Variants in DOK1 observed in about 807,000 individuals in gnomAD.
The protein encoded by DOK1 is Downstream of tyrosine kinase 1.
Under a neutral mutation model 24.0 loss-of-function variants are expected in DOK1, and 12 were observed. The observed-to-expected ratio is 0.50, with a 90% CI of 0.32 to 0.81. The LOEUF (loss-of-function observed/expected upper bound fraction) is 0.81. DOK1 is among the 30% of genes least tolerant of loss of function. The probability of loss-of-function intolerance (pLI) is 0.03; values close to 1 mark genes in which losing one functional copy is unlikely to be tolerated. For missense variants in DOK1, 591 were observed against 620.7 expected (o/e 0.95, Z 0.51); for synonymous variants, 250 against 260.9 (o/e 0.96, Z 0.40).
chr2:74,549,681 C>T lies in DOK1; in HGVS notation c.-358+509C>T. The T allele has an allele frequency of 6.8e-7, 1 of 1,463,884 alleles. No homozygotes were observed. The highest frequency in any genetic ancestry group is 9.1e-7 in the Non-Finnish European group (1 of 1,102,232). The allele number at this position is 1,463,884 out of a possible 1,614,324, so 90.7% of individuals were successfully genotyped here. A position where few individuals can be genotyped will look rare whatever the true frequency, so the allele number is the denominator to read the frequency against. ...CCTGCTTGGTGTGCCTGCTGTAAACCCAGTGGCGGGATGGGCCCGAGGCGG... is the reference window on the plus strand; with the variant it reads ...CCTGCTTGGTGTGCCTGCTGTAAACTCAGTGGCGGGATGGGCCCGAGGCGG... On this transcript the variant is annotated intron_variant, in intron 1 of 4. Transcript: ENST00000409429. This position sits in a 1 kb window ranked among gnomAD's most constrained non-coding sequence, Gnocchi z 5.3.
chr2:74,556,131 G>A lies in DOK1; in HGVS notation c.639+53G>A. On this transcript the variant is annotated intron_variant, in intron 4 of 4. Transcript: ENST00000233668. The surrounding 1 kb of genome is among the most constrained non-coding windows in gnomAD (Gnocchi z 4.1). ...TGGGTTGGGCAGCTGTGGGAGGGGT[G>A]GGGCAGGACAGAAAGTGGGAAGCTC... is the stretch of plus-strand genomic sequence containing the variant. The A allele has an allele frequency of 2.0e-6, 3 of 1,538,288 alleles. No individual in the cohort carries two copies. The highest frequency in any genetic ancestry group is 4.1e-5 in the Admixed American group (2 of 49,154).
upstream of DOK1, chr2:74,553,117 G>A (rs150434045): frequency 3.3e-3 from 513 of 157,012 alleles, 2 homozygotes; most frequent in African/African-American, 0.012. Flanking sequence ...GTGAGAAGGA[G>A]AGGGATTGAC....
chr2:74,553,637 TC>T (rs1373579180), upstream of DOK1, among the ~76,000 whole-genome samples: 1 of 152,116 alleles, frequency 6.6e-6, no homozygotes, highest in African/African-American at 2.4e-5. Context: ...GGGCAGCGCC[TC>T]CCGGAGGAGC....
upstream of DOK1, chr2:74,552,764 A>G: frequency 1.1e-6 from 1 of 886,638 alleles, no homozygotes. Flanking sequence ...AGAGACAGCG[A>G]GAGACAACAG....
chr2:74,550,291 C>T, upstream of DOK1: 1 of 1,614,184 alleles, frequency 6.2e-7, no homozygotes, highest in Non-Finnish European at 8.5e-7. Context: ...CCGGGAGGCA[C>T]ATTCAGTCAC....
rs1324870596 is a variant in DOK1, at chr2:74,555,518, ACCGACCCCCGCTCCCCG to A, written c.361-55_361-39del. On this transcript the variant is annotated intron_variant, in intron 2 of 4. Transcript: ENST00000233668. This position sits in a 1 kb window ranked among gnomAD's most constrained non-coding sequence, Gnocchi z 6.1. ...AGGCAGAGAAATGGGGCTGCCTCAG[ACCGACCCCCGCTCCCCG>A]CTGAGGAAATTACGGGTTTCTCGAT... The A allele has an allele frequency of 6.8e-6, 11 of 1,612,716 alleles. No homozygotes were observed. Among genetic ancestry groups the A allele is most frequent in the Non-Finnish European group, 9.3e-6 (11 of 1,179,648 alleles).
upstream of DOK1, chr2:74,554,020 C>G (rs1677204521): frequency 6.6e-6 from 1 of 152,324 alleles, no homozygotes; most frequent in African/African-American, 2.4e-5. The surrounding 1 kb of genome is among the most constrained non-coding windows in gnomAD (Gnocchi z 4.9). Context: ...CCTCCCACAT[C>G]CCCCTGAGCC....
chr2:74,555,369 C>T lies in DOK1; in HGVS notation c.276C>T (p.Asp92=). 2.5e-6 allele frequency: 4 copies of T among 1,613,584 alleles called. No individual in the cohort carries two copies. The highest frequency in any genetic ancestry group is 3.4e-6 in the Non-Finnish European group (4 of 1,179,910). Reference sequence around the variant, plus strand: ...CCGGCGCCACTGCCTTCCGCCTGGACACTGCTCAGCGCTCGCACCTGCTGG... The same window carrying T: ...CCGGCGCCACTGCCTTCCGCCTGGATACTGCTCAGCGCTCGCACCTGCTGG... ...PEPGATAFRL[D]TAQRSHLLAA... Residue 92 remains aspartate, a synonymous_variant, in exon 2 of 5, where the codon GAC becomes GAT. Coordinates refer to ENST00000233668, the MANE Select transcript of DOK1 (RefSeq NM_001381.5). The surrounding 1 kb of genome is among the most constrained non-coding windows in gnomAD (Gnocchi z 6.1).
chr2:74,551,227 C>G (rs897144953), upstream of DOK1, among the ~76,000 whole-genome samples: 3 of 152,252 alleles, frequency 2.0e-5, no homozygotes, highest in Non-Finnish European at 4.4e-5. Context: ...AGCCACTGAG[C>G]CCGGCCTGAA....
chr2:74,556,998 C>T lies in DOK1; in HGVS notation c.1330C>T (p.His444Tyr). Residue 444 changes from histidine (H) to tyrosine (Y), a missense_variant, in exon 5 of 5, where the codon CAC (histidine) becomes TAC (tyrosine). By Grantham distance (83) the His-to-Tyr change is moderately conservative. Transcript: ENST00000233668. The surrounding 1 kb of genome is among the most constrained non-coding windows in gnomAD (Gnocchi z 4.1). ...TGCAACTGGCAGTGGCATCAAAAGC[C>T]ACAACTCAGCCCTGTACAGCCAGGT... ...GTATGSGIKS[H>Y]NSALYSQVQK... 6.2e-7 allele frequency: 1 copy of T among 1,614,204 alleles called. No homozygotes were observed. Among genetic ancestry groups the T allele is most frequent in the Non-Finnish European group, 8.5e-7 (1 of 1,180,050 alleles).
At chr2:74,552,522 C>T, upstream of DOK1, 2 of 1,613,430 alleles carry the variant, frequency 1.2e-6, no homozygotes, top group Non-Finnish European at 1.7e-6. Flanking sequence ...CCCCTGGCTC[C>T]CGGCCTTCTT....
chr2:74,551,619 C>T (rs1249506950), upstream of DOK1, among the ~76,000 whole-genome samples: 1 of 152,260 alleles, frequency 6.6e-6, no homozygotes, highest in Admixed American at 6.5e-5. Flanking sequence ...AGGCAGCTCT[C>T]CTCTGAAAGT....
At position 74,556,757 on chromosome 2, in the gene DOK1, T is replaced by C. The variant is rs1383012599; in HGVS notation, c.1089T>C (p.Asp363=). 1 of 1,614,054 alleles carries C rather than the reference T, an allele frequency of 6.2e-7. No homozygotes were observed. Among genetic ancestry groups the C allele is most frequent in the African/African-American group, 1.3e-5 (1 of 74,916 alleles). Residue 363 remains aspartate, a synonymous_variant, in exon 5 of 5, where the codon GAT becomes GAC. Coordinates refer to ENST00000233668, the MANE Select transcript of DOK1 (RefSeq NM_001381.5). The surrounding 1 kb of genome is among the most constrained non-coding windows in gnomAD (Gnocchi z 4.1). ...LTDPKEDPIY[D]EPEGLAPVPP... is the part of the protein sequence containing the mutation. The stretch of plus-strand genomic sequence containing the variant: ...ACCCCAAAGAGGATCCCATCTATGA[T>C]GAACCTGAGGGCCTGGCCCCAGTCC...
Position 74,556,292 on chromosome 2 carries a change from C to A in DOK1, c.640-16C>A. ...GATGGCTCCTGGTAATGTGTTTCCC[C>A]CTCTACCCTCCTTAGGTCATGTTCT... On this transcript the variant is annotated splice_polypyrimidine_tract_variant and intron_variant, in intron 4 of 4. Coordinates refer to ENST00000233668, the MANE Select transcript of DOK1 (RefSeq NM_001381.5). The surrounding 1 kb of genome is among the most constrained non-coding windows in gnomAD (Gnocchi z 4.1). The A allele has an allele frequency of 1.2e-6, 2 of 1,605,634 alleles. No homozygotes were observed. Among genetic ancestry groups the A allele is most frequent in the Non-Finnish European group, 8.5e-7 (1 of 1,174,686 alleles).
chr2:74,553,431 G>A (rs767281334), upstream of DOK1, among the ~76,000 whole-genome samples: 1 of 152,202 alleles, frequency 6.6e-6, no homozygotes, highest in Non-Finnish European at 1.5e-5. Flanking sequence ...GATGGGGTAG[G>A]GTTGTCCCAG....
In DOK1 at chr2:74,549,657, C is replaced by G; in HGVS notation, c.-358+485C>G. The G allele has an allele frequency of 1.3e-6, 2 of 1,503,052 alleles. No homozygotes were observed. Among genetic ancestry groups the G allele is most frequent in the Non-Finnish European group, 1.8e-6 (2 of 1,118,462 alleles). The allele number at this position is 1,503,052 out of a possible 1,614,324, so 93.1% of individuals were successfully genotyped here. On this transcript the variant is annotated intron_variant, in intron 1 of 4. Coordinates refer to the DOK1 transcript ENST00000409429. This position sits in a 1 kb window ranked among gnomAD's most constrained non-coding sequence, Gnocchi z 5.3. ...TGTGTCCCGCCGCCCTTAAGGAACC[C>G]TGCTTGGTGTGCCTGCTGTAAACCC...
upstream of DOK1, chr2:74,550,451 T>C: frequency 2.4e-6 from 3 of 1,242,208 alleles, no homozygotes; most frequent in South Asian, 1.4e-5. Context: ...CACTTGGCCA[T>C]GATGATCCCA....
Position 74,555,281 on chromosome 2 carries a change from A to G in DOK1, c.188A>G (p.Lys63Arg). ...GRGSSRRLDC[K>R]VIRLAECVSV... The stretch of plus-strand genomic sequence containing the variant: ...GGGAGCTCGCGCCGCCTGGACTGCA[A>G]AGTGATCCGTCTGGCTGAGTGTGTG... The change falls in exon 2 of 5, where the codon AAA (lysine) becomes AGA (arginine). Residue 63 changes from lysine to arginine, a missense_variant. By Grantham distance (26) the Lys-to-Arg change is conservative. Coordinates refer to ENST00000233668, the MANE Select transcript of DOK1 (RefSeq NM_001381.5). This position sits in a 1 kb window ranked among gnomAD's most constrained non-coding sequence, Gnocchi z 6.1. 1 of 1,614,044 alleles carries G rather than the reference A, an allele frequency of 6.2e-7. No homozygotes were observed. The highest frequency in any genetic ancestry group is 8.5e-7 in the Non-Finnish European group (1 of 1,180,002).
Position 74,555,400 on chromosome 2 carries a change from G to C in DOK1, c.307G>C (p.Asp103His), listed in dbSNP as rs755421404. The change falls in exon 2 of 5, where the codon GAC (aspartate) becomes CAC (histidine). Residue 103 changes from aspartate to histidine, a missense_variant. By Grantham distance (81) the Asp-to-His change is moderately conservative. Transcript: ENST00000233668. The surrounding 1 kb of genome is among the most constrained non-coding windows in gnomAD (Gnocchi z 6.1). ...TCAGCGCTCGCACCTGCTGGCGGCC[G>C]ACGCGCCGTCCAGTGCAGCCTGGGT... ...TAQRSHLLAA[D>H]APSSAAWVQT... 6.2e-7 allele frequency: 1 copy of C among 1,611,520 alleles called. No homozygotes were observed. The highest frequency in any genetic ancestry group is 8.5e-7 in the Non-Finnish European group (1 of 1,179,444).
Sources: gnomAD v4.1 joint callset for allele counts (sites outside exome capture counted in the v4.1 genomes callset) on GRCh38, gnomAD v4.1.1 for gene constraint, Gnocchi (gnomAD v3.1) non-coding constraint, MANE v1.5 for transcripts, NCBI Gene and HGNC (gene_info 2026-07-23, HGNC 2026-07-21) for gene names.